The following DPY19L1 variants were observed in gnomAD, a reference collection of about 807,000 sequenced individuals.
The protein encoded by DPY19L1 is protein C-mannosyl-transferase DPY19L1.
DPY19L1 carries 35 observed loss-of-function variants against 96.9 expected under a neutral mutation model. The observed-to-expected ratio is 0.36, with a 90% CI of 0.28 to 0.48. The LOEUF (loss-of-function observed/expected upper bound fraction) is 0.48. Ranked by LOEUF, DPY19L1 falls within the 20% of genes least tolerant of loss-of-function variation. The pLI is 0.99. For missense variants in DPY19L1, 521 were observed against 777.9 expected, an observed-to-expected ratio of 0.67 and a Z score of 3.93; for synonymous variants, 205 against 252.6, an observed-to-expected ratio of 0.81 and a Z score of 1.79.
chr7:35,022,893 C>T (rs1383941201), intron 1 of DPY19L1, among the ~76,000 whole-genome samples: 2 of 152,200 alleles, frequency 1.3e-5, no homozygotes, highest in Non-Finnish European at 2.9e-5. Context: ...GGGCACGGGT[C>T]CCAGGTCCCG....
chr7:34,989,100 A>G (rs187367341), intron 7 of DPY19L1, among the ~76,000 whole-genome samples: 3 of 152,322 alleles, frequency 2.0e-5, no homozygotes, highest in Non-Finnish European at 2.9e-5. Flanking sequence ...TCCAGAGTCT[A>G]TATTTTTTAC....
chr7:34,951,286 CA>C (rs1478301956), intron 13 of DPY19L1, among the ~76,000 whole-genome samples: 7 of 151,956 alleles, frequency 4.6e-5, no homozygotes, highest in Non-Finnish European at 8.8e-5. Context: ...AAGGTGAATA[CA>C]ATCAATTAGC....
intron 1 of DPY19L1, among the ~76,000 whole-genome samples, chr7:35,035,647 G>GT (rs1236894441): frequency 1.3e-5 from 2 of 152,162 alleles, no homozygotes. Flanking sequence ...TAAACACAAA[G>GT]TATCTTCCCA....
chr7:34,994,308 G>T (rs1208769562), intron 6 of DPY19L1, among the ~76,000 whole-genome samples: 7 of 151,964 alleles, frequency 4.6e-5, no homozygotes, highest in African/African-American at 1.7e-4. Context: ...ACATCTAGTT[G>T]CAAAGGCACC....
intron 1 of DPY19L1, among the ~76,000 whole-genome samples, chr7:35,019,491 GGAA>G (rs140447621): frequency 2.5e-4 from 37 of 149,992 alleles, no homozygotes; most frequent in Non-Finnish European, 4.7e-4. Flanking sequence ...AGAAGTAGGA[GGAA>G]GAAGAAGGAA....
At chr7:34,934,460 TACAG>T (rs769187815) in intron 21 of DPY19L1, among the ~76,000 whole-genome samples, 42 of 152,334 alleles carry the variant, frequency 2.8e-4, no homozygotes, top group Admixed American at 5.9e-4. Flanking sequence ...ACCAATTCTT[TACAG>T]ACAGATACTT....
intron 7 of DPY19L1, among the ~76,000 whole-genome samples, chr7:34,976,449 T>G (rs1333702034): frequency 6.6e-6 from 1 of 152,218 alleles, no homozygotes; most frequent in African/African-American, 2.4e-5. Context: ...TGGGATCTAC[T>G]ACTGGTGAAG....
intron 7 of DPY19L1, chr7:34,988,213 C>G (rs563779354): frequency 1.3e-5 from 2 of 152,240 alleles, no homozygotes; most frequent in African/African-American, 4.8e-5. Context: ...GACCTTTGCA[C>G]TTTACAAACA....
At chr7:34,944,365 C>CAAAA (rs60937482) in intron 16 of DPY19L1, among the ~76,000 whole-genome samples, 3 of 82,302 alleles carry the variant, frequency 3.6e-5, no homozygotes, top group Admixed American at 1.4e-4. Context: ...GGCTCTGTCT[C>CAAAA]AAAAAAAAAA....
At chr7:34,933,620 C>T (rs1264250472) in intron 21 of DPY19L1, among the ~76,000 whole-genome samples, 1 of 152,198 alleles carries the variant, frequency 6.6e-6, no homozygotes, top group Non-Finnish European at 1.5e-5. Context: ...TAATCAGCTG[C>T]CAGCATGGCT....
intron 8 of DPY19L1, among the ~76,000 whole-genome samples, chr7:34,971,257 C>A (rs1407464523): frequency 6.6e-6 from 1 of 152,080 alleles, no homozygotes; most frequent in Non-Finnish European, 1.5e-5. Context: ...AGGTTACTAT[C>A]CTTCAGAAAA....
intron 21 of DPY19L1, among the ~76,000 whole-genome samples, chr7:34,936,064 A>G (rs1384951277): frequency 2.6e-5 from 4 of 152,186 alleles, no homozygotes; most frequent in Non-Finnish European, 5.9e-5. Flanking sequence ...TGTGACAGAC[A>G]CAATAAATGG....
chr7:34,995,760 A>G (rs1327556659), intron 6 of DPY19L1, among the ~76,000 whole-genome samples: 1 of 152,198 alleles, frequency 6.6e-6, no homozygotes, highest in Non-Finnish European at 1.5e-5. Context: ...TGCTTAAGAA[A>G]GAGAAAATGG....
At chr7:34,954,641 T>G (rs17203317) in intron 13 of DPY19L1, 57 bp downstream of exon 13, 22,287 of 1,002,096 alleles carry the variant, frequency 0.022, 312 homozygotes, top group Middle Eastern at 0.031. Context: ...CTCAATTTAT[T>G]CTTAGCCTAT....
intron 7 of DPY19L1, among the ~76,000 whole-genome samples, chr7:34,988,536 C>T (rs1341280753): frequency 2.0e-5 from 3 of 151,766 alleles, no homozygotes; most frequent in Admixed American, 1.3e-4. Flanking sequence ...ATACTAAGAA[C>T]ATATTAGCTA....
At position 35,030,557 on chromosome 7, in the gene DPY19L1, C is replaced by G. The variant is rs149737401; in HGVS notation, c.298+6540G>C. On this transcript the variant is annotated intron_variant, in intron 1 of 21. Transcript: ENST00000638088. Reference sequence around the variant, plus strand: ...TTAATAAAGTTAAAATTACAAAATGCCATCCAAACATTCTTTATGTGATAG... The same window carrying G: ...TTAATAAAGTTAAAATTACAAAATGGCATCCAAACATTCTTTATGTGATAG... Among the ~76,000 whole-genome samples, 328 of 152,224 alleles carry G rather than the reference C, an allele frequency of 2.2e-3. 2 individuals carry two copies. Among genetic ancestry groups the G allele is most frequent in the African/African-American group, 7.4e-3 (307 of 41,542 alleles).
chr7:34,932,780 T>C (rs562356813), intron 21 of DPY19L1, among the ~76,000 whole-genome samples: 3 of 152,304 alleles, frequency 2.0e-5, no homozygotes, highest in African/African-American at 7.2e-5. Flanking sequence ...TATCTACCTT[T>C]TGAGGAATTT....
intron 4 of DPY19L1, among the ~76,000 whole-genome samples, chr7:35,012,416 G>A (rs1300195730): frequency 6.6e-6 from 1 of 152,052 alleles, no homozygotes; most frequent in Non-Finnish European, 1.5e-5. Context: ...CACTTTCCAG[G>A]ACCTCAACCT....
At chr7:35,003,720 G>C (rs1785485990) in intron 6 of DPY19L1, among the ~76,000 whole-genome samples, 2 of 152,206 alleles carry the variant, frequency 1.3e-5, no homozygotes, top group Non-Finnish European at 2.9e-5. Flanking sequence ...GCTCCTGGTT[G>C]AAAACCTATA....
Sources: allele counts gnomAD v4.1 joint callset (sites outside exome capture counted in the v4.1 genomes callset), GRCh38; gene constraint gnomAD v4.1.1; transcripts MANE v1.5; gene names NCBI Gene and HGNC (gene_info 2026-07-23, HGNC 2026-07-21).